The following PACSIN2 variants were observed in gnomAD, a reference collection of about 807,000 sequenced individuals.
The protein encoded by PACSIN2 is protein kinase C and casein kinase substrate in neurons protein 2.
In PACSIN2, 25 loss-of-function variants were observed where a neutral mutation model predicts 63.8. The ratio of observed to expected loss-of-function variants is 0.39; its 90% CI spans 0.29 to 0.55. The LOEUF (loss-of-function observed/expected upper bound fraction) is 0.55. PACSIN2 is among the 20% of genes least tolerant of loss of function. The probability of loss-of-function intolerance (pLI) is 0.62; values close to 1 mark genes in which losing one functional copy is unlikely to be tolerated. For synonymous variants in PACSIN2, 255 were observed against 256.2 expected (o/e 1.00, Z 0.05); for missense variants, 518 against 646.9 (o/e 0.80, Z 2.16).
intron 2 of PACSIN2, among the ~76,000 whole-genome samples, chr22:42,909,999 C>A (rs1465177510): frequency 6.6e-6 from 1 of 152,184 alleles, no homozygotes; most frequent in African/African-American, 2.4e-5. Context: ...TCTTTTAACC[C>A]TCACAATACT....
At chr22:43,001,635 G>C (rs1036482990) in intron 1 of PACSIN2, among the ~76,000 whole-genome samples, 18 of 152,222 alleles carry the variant, frequency 1.2e-4, no homozygotes, top group African/African-American at 4.1e-4. Flanking sequence ...GTTTGTGGCT[G>C]TTTCCTCTTA....
chr22:42,949,862 A>T (rs1447695474), intron 1 of PACSIN2, among the ~76,000 whole-genome samples: 1 of 152,256 alleles, frequency 6.6e-6, no homozygotes, highest in Non-Finnish European at 1.5e-5. Context: ...CAAGCCAAGG[A>T]AATTGATTTT....
chr22:42,908,934 T>C (rs1488590900), intron 2 of PACSIN2, among the ~76,000 whole-genome samples: 1 of 152,184 alleles, frequency 6.6e-6, no homozygotes, highest in Admixed American at 6.5e-5. Context: ...AAGCATCTTC[T>C]TTGTGGGAAC....
intron 1 of PACSIN2, among the ~76,000 whole-genome samples, chr22:42,919,373 AAAT>A (rs1932015751): frequency 6.6e-6 from 1 of 152,188 alleles, no homozygotes; most frequent in African/African-American, 2.4e-5. Context: ...AGTGACAGAC[AAAT>A]GAGTCATCCC....
rs116582319 is a variant in PACSIN2, at chr22:42,986,599, G to A, written c.-78+28422C>T. Among the ~76,000 whole-genome samples, 648 of 152,200 alleles carry A rather than the reference G, an allele frequency of 4.3e-3. 3 individuals are homozygous for A. Among genetic ancestry groups the A allele is most frequent in the African/African-American group, 0.015 (612 of 41,520 alleles). On this transcript the variant is annotated intron_variant, in intron 1 of 10. Coordinates refer to ENST00000263246, the MANE Select transcript of PACSIN2 (RefSeq NM_001184970.3). ...CATGACAGTGACACTCTAATGGGGG[G>A]TGAAGATACACACTAAAATCCACAT...
intron 1 of PACSIN2, among the ~76,000 whole-genome samples, chr22:42,950,460 A>T (rs780542393): frequency 1.6e-4 from 24 of 151,966 alleles, no homozygotes; most frequent in Non-Finnish European, 2.4e-4. Flanking sequence ...TTGGTTGAGG[A>T]AAGAAGGCCT....
intron 1 of PACSIN2, among the ~76,000 whole-genome samples, chr22:42,935,990 A>G (rs921272756): frequency 2.6e-5 from 4 of 151,980 alleles, no homozygotes; most frequent in South Asian, 2.1e-4. Flanking sequence ...GAGGTGGGTG[A>G]ATCACAAGGT....
intron 1 of PACSIN2, among the ~76,000 whole-genome samples, chr22:42,957,697 A>C (rs1933970798): frequency 6.6e-6 from 1 of 152,202 alleles, no homozygotes; most frequent in African/African-American, 2.4e-5. Flanking sequence ...CTCAAGACAG[A>C]GTCAGTATTC....
chr22:42,935,983 G>A (rs555012636), intron 1 of PACSIN2, among the ~76,000 whole-genome samples: 2 of 152,110 alleles, frequency 1.3e-5, no homozygotes, highest in Admixed American at 1.3e-4. Context: ...GGAGGCCGAG[G>A]TGGGTGAATC....
At chr22:42,900,484 T>G (rs1309641743) in intron 2 of PACSIN2, among the ~76,000 whole-genome samples, 1 of 152,126 alleles carries the variant, frequency 6.6e-6, no homozygotes, top group Non-Finnish European at 1.5e-5. Flanking sequence ...TAAATTAAAT[T>G]TTATTATTTT....
intron 1 of PACSIN2, among the ~76,000 whole-genome samples, chr22:42,948,456 T>C (rs1933530121): frequency 1.3e-5 from 2 of 152,176 alleles, no homozygotes; most frequent in African/African-American, 4.8e-5. Context: ...GTACTATAAA[T>C]ATGTGCCTTT....
intron 1 of PACSIN2, among the ~76,000 whole-genome samples, chr22:42,951,472 C>T (rs376839450): frequency 2.6e-3 from 401 of 152,286 alleles, no homozygotes; most frequent in African/African-American, 9.3e-3. Flanking sequence ...GCTCCAGATC[C>T]GGCATGGCCC....
rs574996611 is a variant in PACSIN2 at position 43,004,705 on chromosome 22, TAAG to T, written c.-78+10313_-78+10315del. 1.8e-4 allele frequency among the ~76,000 whole-genome samples: 27 copies of T among 152,362 alleles called. No individual in the cohort carries two copies. In the South Asian group the frequency reaches 5.2e-3, roughly 29 times the overall value. The stretch of plus-strand genomic sequence containing the variant: ...CTACGGTTTGGGTATCACTTTACAT[TAAG>T]AAGATTTCATTTCATTCAATAGGAA... On this transcript the variant is annotated intron_variant, in intron 1 of 10. Coordinates refer to ENST00000263246, the MANE Select transcript of PACSIN2 (RefSeq NM_001184970.3).
chr22:42,999,675 A>C (rs79729676), intron 1 of PACSIN2, among the ~76,000 whole-genome samples: 5,162 of 152,262 alleles, frequency 0.034, 309 homozygotes, highest in African/African-American at 0.12. Flanking sequence ...TCTCAAAAAA[A>C]AAAATGCTGT....
At chr22:42,875,641 T>C (rs1928557999) in intron 10 of PACSIN2, among the ~76,000 whole-genome samples, 1 of 152,104 alleles carries the variant, frequency 6.6e-6, no homozygotes, top group Non-Finnish European at 1.5e-5. Context: ...GTTCAAGTGA[T>C]TCTCCTGCCG....
At chr22:42,934,058 C>T (rs919012576) in intron 1 of PACSIN2, among the ~76,000 whole-genome samples, 13 of 152,322 alleles carry the variant, frequency 8.5e-5, no homozygotes, top group African/African-American at 3.1e-4. Flanking sequence ...ACTTGTCTTC[C>T]AGGCTTTTTC....
intron 3 of PACSIN2, among the ~76,000 whole-genome samples, chr22:42,892,983 G>A (rs1930018673): frequency 6.6e-6 from 1 of 152,224 alleles, no homozygotes; most frequent in Non-Finnish European, 1.5e-5. Flanking sequence ...GGGGACAGAA[G>A]GGGGTGAAAC....
chr22:42,985,049 C>A lies in PACSIN2; in HGVS notation c.-78+29972G>T, dbSNP rs2146893026. Among the ~76,000 whole-genome samples, 3 of 152,312 alleles carry A rather than the reference C, an allele frequency of 2.0e-5. No homozygotes were observed. In the South Asian group the frequency reaches 6.2e-4, roughly 32 times the overall value. On this transcript the variant is annotated intron_variant, in intron 1 of 10. Coordinates refer to ENST00000263246, the MANE Select transcript of PACSIN2 (RefSeq NM_001184970.3). ...AATGAAATCAGTAAGTGTGTATGGGCTGGGTGTGGTGGCTCACGCCTGTAA... is the reference window on the plus strand; with the variant it reads ...AATGAAATCAGTAAGTGTGTATGGGATGGGTGTGGTGGCTCACGCCTGTAA...
rs748585853 is a variant in PACSIN2, at chr22:42,871,269, T to C, written c.*88A>G. The C allele has an allele frequency of 1.2e-6, 1 of 802,454 alleles. No homozygotes were observed. Among genetic ancestry groups the C allele is most frequent in the Non-Finnish European group, 2.2e-6 (1 of 453,494 alleles). 49.7% of individuals were successfully genotyped at this position (802,454 alleles called of 1,614,324 possible). A position where few individuals can be genotyped will look rare whatever the true frequency, so the allele number is the denominator to read the frequency against. ...CCAAGAGCAATGGAACCATCATCTC[T>C]TGCAGGAAAAGGAGTGGATGCCCAC... is the stretch of plus-strand genomic sequence containing the variant. On this transcript the variant is annotated 3_prime_UTR_variant, in exon 11 of 11. Coordinates refer to ENST00000263246, the MANE Select transcript of PACSIN2 (RefSeq NM_001184970.3). This position sits in a 1 kb window ranked among gnomAD's most constrained non-coding sequence, Gnocchi z 5.4.
Sources: allele counts gnomAD v4.1 joint callset (sites outside exome capture counted in the v4.1 genomes callset), GRCh38; gene constraint gnomAD v4.1.1; non-coding constraint Gnocchi (gnomAD v3.1); transcripts MANE v1.5; gene names NCBI Gene and HGNC (gene_info 2026-07-23, HGNC 2026-07-21).